Variants in ACACA observed in about 807,000 individuals in gnomAD.
The protein encoded by ACACA is acetyl-CoA carboxylase alpha.
Under a neutral mutation model 296.1 loss-of-function variants are expected in ACACA, and 103 were observed. That is an observed-to-expected ratio of 0.35 (90% confidence interval 0.30 to 0.41). The LOEUF is 0.41. Ranked by LOEUF, ACACA falls within the 10% of genes least tolerant of loss-of-function variation. The pLI, the probability that ACACA is intolerant of heterozygous loss-of-function variation, is 1.00. For missense variants in ACACA, 1,554 were observed against 2,989.7 expected, an observed-to-expected ratio of 0.52 and a Z score of 11.20; for synonymous variants, 953 against 1,038.6, an observed-to-expected ratio of 0.92 and a Z score of 1.58.
intron 5 of ACACA, among the ~76,000 whole-genome samples, chr17:37,282,966 T>G (rs1365372156): frequency 6.6e-6 from 1 of 152,204 alleles, no homozygotes. Flanking sequence ...TTCCAAAGAA[T>G]GTGGCATAGC....
intron 33 of ACACA, among the ~76,000 whole-genome samples, chr17:37,203,290 A>G (rs1325036680): frequency 6.6e-6 from 1 of 152,120 alleles, no homozygotes; most frequent in Non-Finnish European, 1.5e-5. Flanking sequence ...ACATGCGTTG[A>G]TAAGTATGAC....
At chr17:37,234,850 G>T in intron 25 of ACACA, 125 bp downstream of exon 25, 4 of 1,088,930 alleles carry the variant, frequency 3.7e-6, no homozygotes, top group African/African-American at 1.6e-5. Context: ...CACAGCTCAA[G>T]CCCCATTCAT....
intron 4 of ACACA, among the ~76,000 whole-genome samples, chr17:37,284,600 C>T (rs2082687517): frequency 6.6e-6 from 1 of 152,128 alleles, no homozygotes; most frequent in African/African-American, 2.4e-5. Context: ...ACTTTATGAG[C>T]ACTATTTTAA....
intron 50 of ACACA, among the ~76,000 whole-genome samples, chr17:37,119,632 AC>A (rs2074425352): frequency 1.7e-4 from 23 of 137,516 alleles, no homozygotes; most frequent in African/African-American, 5.7e-4. Context: ...ACACACACAC[AC>A]ACACACACAA....
intron 1 of ACACA, among the ~76,000 whole-genome samples, chr17:37,397,253 A>G (rs777576576): frequency 6.6e-6 from 1 of 151,990 alleles, no homozygotes; most frequent in Non-Finnish European, 1.5e-5. Context: ...TCCATAGTGT[A>G]TATGTGCCAC....
At chr17:37,207,933 AC>A in intron 30 of ACACA, 133 bp from the exon 31 acceptor site, 2 of 962,436 alleles carry the variant, frequency 2.1e-6, no homozygotes, top group Non-Finnish European at 1.6e-6. Flanking sequence ...TGGTTTTTTT[AC>A]CCACTATGGA....
intron 1 of ACACA, among the ~76,000 whole-genome samples, chr17:37,372,243 C>G (rs1818448208): frequency 6.6e-6 from 1 of 151,938 alleles, no homozygotes. Context: ...GAAACCCCAT[C>G]TCTACTAAAA....
chr17:37,398,494 CAGG>C (rs2051165139), intron 1 of ACACA, among the ~76,000 whole-genome samples: 2 of 141,316 alleles, frequency 1.4e-5, no homozygotes. Context: ...CCATATTGGT[CAGG>C]CTGTCTCGAA....
At position 37,097,114 on chromosome 17, in the gene ACACA, C is replaced by A; in HGVS notation, c.6773G>T (p.Arg2258Leu). The change falls in exon 54 of 56, where the codon CGT becomes CTT. Residue 2258 changes from arginine to leucine, a missense_variant. Around this residue, in one of 16 missense-constraint regions of ACACA, gnomAD observed 553 missense variants for 1,043.6 expected, o/e 0.53. Transcript: ENST00000616317. This position sits in a 1 kb window ranked among gnomAD's most constrained non-coding sequence, Gnocchi z 4.8. Reference sequence around the variant, plus strand: ...CTTGACCAGGTCCTCCAGCAGAAGACGCCTCAGCCGCCAGTAGAAGAAGGT... The same window carrying A: ...CTTGACCAGGTCCTCCAGCAGAAGAAGCCTCAGCCGCCAGTAGAAGAAGGT... ...SRTFFYWRLR[R>L]LLLEDLVKKK... 1 of 1,614,028 alleles carries A rather than the reference C, an allele frequency of 6.2e-7. No individual in the cohort carries two copies. The highest frequency in any genetic ancestry group is 8.5e-7 in the Non-Finnish European group (1 of 1,180,020).
intron 1 of ACACA, among the ~76,000 whole-genome samples, chr17:37,390,175 T>TATACACACACAC (rs60788220): frequency 6.5e-4 from 29 of 44,500 alleles, no homozygotes; most frequent in African/African-American, 3.3e-3. Flanking sequence ...TATATATATA[T>TATACACACACAC]ACACACACAC....
chr17:37,371,761 G>A (rs9890298), intron 1 of ACACA, among the ~76,000 whole-genome samples: 4,159 of 151,934 alleles, frequency 0.027, 143 homozygotes, highest in African/African-American at 0.081. Context: ...TTAGCCAGGC[G>A]TGGTGATGGG....
Position 37,260,286 on chromosome 17 carries a change from A to T in ACACA, c.1330-756T>A, listed in dbSNP as rs1176147657. 8.8e-3 allele frequency among the ~76,000 whole-genome samples: 273 copies of T among 30,890 alleles called. 9 individuals carry two copies. The highest frequency in any genetic ancestry group is 0.032 in the African/African-American group (199 of 6,316). The allele number at this position is 30,890 out of a possible 152,430, so 20.3% of individuals were successfully genotyped here. On this transcript the variant is annotated intron_variant, in intron 11 of 55. Coordinates refer to ENST00000616317, the MANE Select transcript of ACACA (RefSeq NM_198834.3). ...TATATATATATATATATATATATAT[A>T]TATATATATATTTTTTTTTTTTTTT...
chr17:37,260,284 ATATATATATATATTTTTT>A lies in ACACA; in HGVS notation c.1330-772_1330-755del, dbSNP rs1401042004. Among the ~76,000 whole-genome samples, 58 of 43,442 alleles carry A rather than the reference ATATATATATATATTTTTT, an allele frequency of 1.3e-3. 5 individuals are homozygous for A. Among genetic ancestry groups the A allele is most frequent in the East Asian group, 3.6e-3 (3 of 826 alleles). 28.5% of individuals were successfully genotyped at this position (43,442 alleles called of 152,430 possible). ...TATATATATATATATATATATATAT[ATATATATATATATTTTTT>A]TTTTTTTTTTTTTTGGAGATGGAGT... On this transcript the variant is annotated intron_variant, in intron 11 of 55. Coordinates refer to ENST00000616317, the MANE Select transcript of ACACA (RefSeq NM_198834.3).
rs200576414 is a variant in ACACA, at chr17:37,240,460, T to C, written c.3121+16A>G. 1.4e-4 allele frequency: 225 copies of C among 1,611,888 alleles called. No individual in the cohort carries two copies. Among genetic ancestry groups the C allele is most frequent in the Middle Eastern group, 5.0e-4 (3 of 6,060 alleles). The stretch of plus-strand genomic sequence containing the variant: ...CAAGGCTTTCTTAGCTAGAGAGTCC[T>C]CAGGAAGAGGCTTACCATTCTGGAA... On this transcript the variant is annotated intron_variant, in intron 24 of 55. Coordinates refer to ENST00000616317, the MANE Select transcript of ACACA (RefSeq NM_198834.3).
intron 39 of ACACA, among the ~76,000 whole-genome samples, chr17:37,186,803 T>C (rs1437281295): frequency 6.6e-6 from 1 of 151,860 alleles, no homozygotes. Context: ...TGTGTAATAC[T>C]AAACCCTGAT....
At position 37,333,369 on chromosome 17, in the gene ACACA, T is replaced by C. The variant is rs189635715; in HGVS notation, c.86-2944A>G. ...GAAAGGAAAGGAAAGGAAAGGGAAA[T>C]AGAAGGGAACCGCCAACCAGATATT... On this transcript the variant is annotated intron_variant, in intron 2 of 55. Coordinates refer to ENST00000616317, the MANE Select transcript of ACACA (RefSeq NM_198834.3). Among the ~76,000 whole-genome samples the C allele has an allele frequency of 9.7e-3, 1,467 of 151,502 alleles. 22 individuals carry two copies. Among genetic ancestry groups the C allele is most frequent in the African/African-American group, 0.034 (1,395 of 41,262 alleles).
At chr17:37,112,993 G>A in intron 51 of ACACA, 95 bp downstream of exon 51, 1 of 1,428,708 alleles carries the variant, frequency 7.0e-7, no homozygotes. Context: ...CAGGATGTGG[G>A]TGCTGTAGTG....
At chr17:37,156,067 T>C (rs1418788375) in intron 42 of ACACA, among the ~76,000 whole-genome samples, 1 of 138,554 alleles carries the variant, frequency 7.2e-6, no homozygotes, top group Non-Finnish European at 1.6e-5. Context: ...TTTTTTTTTT[T>C]TTTTTTTTTT....
At position 37,359,421 on chromosome 17, in the gene ACACA, G is replaced by A. The variant is rs539708354; in HGVS notation, c.39-19571C>T. Among the ~76,000 whole-genome samples, 854 of 151,646 alleles carry A rather than the reference G, an allele frequency of 5.6e-3. 6 individuals carry two copies. Among genetic ancestry groups the A allele is most frequent in the Non-Finnish European group, 8.9e-3 (605 of 67,848 alleles). On this transcript the variant is annotated intron_variant, in intron 1 of 55. Coordinates refer to ENST00000616317, the MANE Select transcript of ACACA (RefSeq NM_198834.3). ...AGCGGCTAGAGGGCGGGCGGGCCGC[G>A]GGCGGGCCGCGGGCGGGCCCTGGGC...
Sources: gnomAD v4.1 joint callset for allele counts (sites outside exome capture counted in the v4.1 genomes callset) on GRCh38, gnomAD v4.1.1 for gene constraint, gnomAD v4.1.1 regional missense constraint, Gnocchi (gnomAD v3.1) non-coding constraint, MANE v1.5 for transcripts, NCBI Gene and HGNC (gene_info 2026-07-23, HGNC 2026-07-21) for gene names.